The following ADSS2 variants were observed in gnomAD, a reference collection of about 807,000 sequenced individuals.
ADSS2 encodes the protein adenylosuccinate synthetase isozyme 2.
ADSS2 carries 30 observed loss-of-function variants against 60.0 expected under a neutral mutation model. The ratio of observed to expected loss-of-function variants is 0.50; its 90% CI spans 0.37 to 0.68. The LOEUF (loss-of-function observed/expected upper bound fraction) is 0.68, where lower values mean the gene tolerates loss of function less well. Ranked by LOEUF, ADSS2 falls within the 30% of genes least tolerant of loss-of-function variation. The pLI, the probability that ADSS2 is intolerant of heterozygous loss-of-function variation, is 0.00. For missense variants in ADSS2, 373 were observed against 554.8 expected (o/e 0.67, Z 3.29); for synonymous variants, 187 against 193.1 (o/e 0.97, Z 0.26).
chr1:244,443,180 T>G (rs1455887935), intron 1 of ADSS2, among the ~76,000 whole-genome samples: 1 of 152,204 alleles, frequency 6.6e-6, no homozygotes, highest in Non-Finnish European at 1.5e-5. Context: ...GTTGTTCTAC[T>G]TCTAACGGAA....
At chr1:244,418,685 G>T in intron 9 of ADSS2, 75 bp downstream of exon 9, 1 of 1,396,674 alleles carries the variant, frequency 7.2e-7, no homozygotes, top group Non-Finnish European at 9.6e-7. Flanking sequence ...AGGCACAGGA[G>T]ACAATAATTC....
chr1:244,440,386 C>T (rs887942158), intron 1 of ADSS2, among the ~76,000 whole-genome samples: 3 of 151,900 alleles, frequency 2.0e-5, no homozygotes, highest in East Asian at 3.9e-4. Flanking sequence ...TGTTTTGCAC[C>T]GTATAAAGCA....
chr1:244,446,063 T>C (rs1014657809), intron 1 of ADSS2, among the ~76,000 whole-genome samples: 2 of 152,226 alleles, frequency 1.3e-5, no homozygotes, highest in Admixed American at 6.5e-5. Context: ...TCAGATCCCA[T>C]GCCCCTGAAC....
intron 6 of ADSS2, among the ~76,000 whole-genome samples, chr1:244,423,657 C>T (rs569810715): frequency 2.6e-5 from 4 of 152,096 alleles, no homozygotes; most frequent in Non-Finnish European, 4.4e-5. Flanking sequence ...ACAGCCACAG[C>T]CCCTGGAATC....
At chr1:244,449,141 G>A (rs1572151630) in intron 1 of ADSS2, among the ~76,000 whole-genome samples, 4 of 152,316 alleles carry the variant, frequency 2.6e-5, no homozygotes, top group Admixed American at 2.6e-4. Context: ...CAGGCCTTAA[G>A]CGCTGTTAAG....
At chr1:244,413,109 T>C (rs1664450234) in intron 11 of ADSS2, among the ~76,000 whole-genome samples, 1 of 152,164 alleles carries the variant, frequency 6.6e-6, no homozygotes, top group Non-Finnish European at 1.5e-5. Context: ...AGAGTGTATA[T>C]GGAACTGGAT....
At chr1:244,442,858 A>G (rs1437451297) in intron 1 of ADSS2, among the ~76,000 whole-genome samples, 1 of 152,204 alleles carries the variant, frequency 6.6e-6, no homozygotes, top group African/African-American at 2.4e-5. Context: ...AGCTCAGGCA[A>G]TTGTCCTCAA....
chr1:244,451,701 G>A lies in ADSS2; in HGVS notation c.117C>T (p.Gly39=). ...CCACCACCTTCCCTTTGCCTTCGTCGCCCCACTGCGCACCGAGCACCACCG... is the reference window on the plus strand; with the variant it reads ...CCACCACCTTCCCTTTGCCTTCGTCACCCCACTGCGCACCGAGCACCACCG... ...RVTVVLGAQW[G]DEGKGKVVDL... is the part of the protein sequence containing the mutation. Residue 39 remains glycine (G), a synonymous_variant, in exon 1 of 13, where the codon GGC becomes GGT. Transcript: ENST00000366535. The surrounding 1 kb of genome is among the most constrained non-coding windows in gnomAD (Gnocchi z 6.6). 6.2e-7 allele frequency: 1 copy of A among 1,612,336 alleles called. No homozygotes were observed. The highest frequency in any genetic ancestry group is 8.5e-7 in the Non-Finnish European group (1 of 1,179,366).
chr1:244,436,405 A>T (rs1186899017), intron 3 of ADSS2, among the ~76,000 whole-genome samples: 3 of 152,202 alleles, frequency 2.0e-5, no homozygotes, highest in Admixed American at 2.0e-4. Flanking sequence ...AGAAGGAGGG[A>T]CCTAAACGAT....
chr1:244,437,390 T>C (rs979076235), intron 2 of ADSS2, among the ~76,000 whole-genome samples: 1 of 152,198 alleles, frequency 6.6e-6, no homozygotes, highest in East Asian at 1.9e-4. Flanking sequence ...TTTGGAAAAC[T>C]GATTCAATGA....
At chr1:244,420,447 T>C (rs980741930) in intron 7 of ADSS2, 151 bp from the exon 8 acceptor site, 1 of 624,844 alleles carries the variant, frequency 1.6e-6, no homozygotes, top group Non-Finnish European at 2.6e-6. Flanking sequence ...ATTGTAACAT[T>C]TGGATTAGCT....
At position 244,409,597 on chromosome 1, in the gene ADSS2, G is replaced by A. The variant is rs1430658282; in HGVS notation, c.1360C>T (p.Gln454Ter). The change falls in exon 13 of 13, where the codon CAA (glutamine) becomes TAA (stop). Residue 454 changes from glutamine (Q) to a stop codon, truncating the protein, a stop_gained. Transcript: ENST00000366535. LOFTEE classifies it high-confidence loss of function. ...GVGKSRESMI[Q>*]LF ...ATTACTGGCAATCATTAAAAGAGTT[G>A]AATCATAGATTCTCTGGATTTACCA... 1 of 1,608,954 alleles carries A rather than the reference G, an allele frequency of 6.2e-7. No individual in the cohort carries two copies. The highest frequency in any genetic ancestry group is 8.5e-7 in the Non-Finnish European group (1 of 1,176,008).
intron 10 of ADSS2, among the ~76,000 whole-genome samples, chr1:244,417,394 T>C (rs951784886): frequency 1.3e-5 from 2 of 152,194 alleles, no homozygotes; most frequent in African/African-American, 4.8e-5. Context: ...CCTGCCTCTA[T>C]ACTTAGAGTA....
intron 1 of ADSS2, among the ~76,000 whole-genome samples, chr1:244,440,268 G>C (rs769448848): frequency 3.3e-5 from 5 of 152,086 alleles, no homozygotes; most frequent in Non-Finnish European, 5.9e-5. Context: ...TTAACAAATT[G>C]AATGTTACAA....
At chr1:244,418,655 A>G (rs1664592578) in intron 9 of ADSS2, 105 bp downstream of exon 9, 1 of 1,195,786 alleles carries the variant, frequency 8.4e-7, no homozygotes, top group Non-Finnish European at 1.1e-6. Context: ...TGTTCTGACC[A>G]ATCTTGCAAA....
chr1:244,433,403 G>A (rs940847389), intron 3 of ADSS2, among the ~76,000 whole-genome samples: 1 of 152,110 alleles, frequency 6.6e-6, no homozygotes, highest in African/African-American at 2.4e-5. Flanking sequence ...TGCTCTAAAA[G>A]CTCCAAATTC....
At position 244,424,284 on chromosome 1, in the gene ADSS2, C is replaced by T. The variant is rs572617552; in HGVS notation, c.473+37G>A. 3.1e-5 allele frequency: 50 copies of T among 1,591,594 alleles called. No individual in the cohort carries two copies. In the South Asian group the frequency reaches 5.3e-4, roughly 17 times the overall value. On this transcript the variant is annotated intron_variant, in intron 5 of 12. Coordinates refer to ENST00000366535, the MANE Select transcript of ADSS2 (RefSeq NM_001126.5). ...ACTAAAATATAAAGGTCTGCATATG[C>T]TTAAACTGTACCAAAAAAACAAAAA...
intron 12 of ADSS2, among the ~76,000 whole-genome samples, 167 bp downstream of exon 12, chr1:244,411,120 C>G (rs1385675923): frequency 6.6e-6 from 1 of 151,632 alleles, no homozygotes; most frequent in Non-Finnish European, 1.5e-5. Context: ...ACTCGGGAGG[C>G]TGAGGTAGGA....
rs12021602 is a variant in ADSS2 at position 244,447,759 on chromosome 1, T to A, written c.183+3876A>T. 2.2e-4 allele frequency among the ~76,000 whole-genome samples: 33 copies of A among 152,326 alleles called. No homozygotes were observed. The East Asian group carries it at 4.8e-3, about 22-fold the overall frequency. On this transcript the variant is annotated intron_variant, in intron 1 of 12. Coordinates refer to ENST00000366535, the MANE Select transcript of ADSS2 (RefSeq NM_001126.5). ...AATGCTAGGAATTCCGCCTTAAATGTATGCCACCAGTCAATTAAATTGTCC... is the reference window on the plus strand; with the variant it reads ...AATGCTAGGAATTCCGCCTTAAATGAATGCCACCAGTCAATTAAATTGTCC...
Sources: allele counts gnomAD v4.1 joint callset (sites outside exome capture counted in the v4.1 genomes callset), GRCh38; gene constraint gnomAD v4.1.1; non-coding constraint Gnocchi (gnomAD v3.1); transcripts MANE v1.5; gene names NCBI Gene and HGNC (gene_info 2026-07-23, HGNC 2026-07-21).